The following MED27 variants were observed in gnomAD, a reference collection of about 807,000 sequenced individuals.
MED27 encodes mediator complex subunit 27, also known as mediator of RNA polymerase II transcription subunit 27.
A neutral mutation model predicts 38.2 loss-of-function variants in MED27; 30 were observed. The observed-to-expected ratio is 0.79, with a 90% CI of 0.59 to 1.07. The LOEUF (loss-of-function observed/expected upper bound fraction) is 1.07, where lower values mean the gene tolerates loss of function less well. Ranked by LOEUF, MED27 falls within the 50% of genes least tolerant of loss-of-function variation. The pLI is 0.00. For missense variants in MED27, 289 were observed against 397.5 expected (o/e 0.73, Z 2.32); for synonymous variants, 122 against 153.5 (o/e 0.79, Z 1.52).
intron 2 of MED27, 130 bp from the exon 3 acceptor site, chr9:132,014,597 G>T: frequency 1.1e-6 from 1 of 877,574 alleles, no homozygotes; most frequent in Non-Finnish European, 1.7e-6. Flanking sequence ...AAATACAACT[G>T]CTCACATTCT....
At chr9:132,042,293 G>T (rs982168597) in intron 2 of MED27, among the ~76,000 whole-genome samples, 4 of 152,224 alleles carry the variant, frequency 2.6e-5, no homozygotes, top group Admixed American at 2.0e-4. Flanking sequence ...GGCTTTCACT[G>T]AAACAGTCTC....
At chr9:131,868,978 G>A (rs1161550830) in intron 6 of MED27, 27 of 985,370 alleles carry the variant, frequency 2.7e-5, no homozygotes, top group Non-Finnish European at 3.3e-5. Context: ...CACAGGCAAG[G>A]CACCTAATTA....
intron 5 of MED27, 66 bp from the exon 6 acceptor site, chr9:131,884,165 T>C (rs1034435945): frequency 1.6e-6 from 2 of 1,277,240 alleles, no homozygotes; most frequent in Non-Finnish European, 2.2e-6. Context: ...AGAAATAATA[T>C]TGTAACTACT....
rs1830310019 is a variant in MED27 at position 131,917,316 on chromosome 9, A to C, written c.573+22065T>G. On this transcript the variant is annotated intron_variant, in intron 4 of 7. Coordinates refer to ENST00000292035, the MANE Select transcript of MED27 (RefSeq NM_004269.4). The surrounding 1 kb of genome is among the most constrained non-coding windows in gnomAD (Gnocchi z 4.6). ...CAGGGAAGGGAGGAGAGAGGGAAGA[A>C]GAGGAGAAAGGTCAACTGAGGCCGG... is the stretch of plus-strand genomic sequence containing the variant. Among the ~76,000 whole-genome samples, 1 of 152,166 alleles carries C rather than the reference A, an allele frequency of 6.6e-6. No homozygotes were observed. The highest frequency in any genetic ancestry group is 1.5e-5 in the Non-Finnish European group (1 of 68,020).
chr9:131,910,047 T>C (rs2131534938), intron 4 of MED27, among the ~76,000 whole-genome samples: 1 of 152,306 alleles, frequency 6.6e-6, no homozygotes, highest in South Asian at 2.1e-4. Flanking sequence ...TGCATTTATG[T>C]AGAATGCATT....
intron 4 of MED27, among the ~76,000 whole-genome samples, chr9:131,932,269 AATGACCAGTGGGTC>A (rs1830603356): frequency 6.6e-6 from 1 of 151,528 alleles, no homozygotes; most frequent in Non-Finnish European, 1.5e-5. Context: ...TATGCTCCTG[AATGACCAGTGGGTC>A]AATTAAGAGA....
chr9:132,048,173 AAAT>A (rs1384004307), intron 2 of MED27, among the ~76,000 whole-genome samples: 1 of 152,192 alleles, frequency 6.6e-6, no homozygotes, highest in Non-Finnish European at 1.5e-5. Flanking sequence ...ATCCCCTACA[AAAT>A]AATAATTTTT....
chr9:131,924,667 A>G (rs1335166395), intron 4 of MED27, among the ~76,000 whole-genome samples: 1 of 152,054 alleles, frequency 6.6e-6, no homozygotes, highest in Non-Finnish European at 1.5e-5. Flanking sequence ...ATTTTATTCT[A>G]CTAGCCTGTT....
At chr9:132,036,590 G>A (rs1370591681) in intron 2 of MED27, among the ~76,000 whole-genome samples, 1 of 152,170 alleles carries the variant, frequency 6.6e-6, no homozygotes, top group Non-Finnish European at 1.5e-5. Flanking sequence ...AAAGAGCATG[G>A]CTCTACCACT....
chr9:131,955,274 A>G (rs531508428), intron 3 of MED27, among the ~76,000 whole-genome samples: 215 of 152,284 alleles, frequency 1.4e-3, no homozygotes, highest in African/African-American at 5.1e-3. Context: ...AGCTAAAACC[A>G]TGCTCAGAGG....
chr9:132,058,409 A>G (rs1200231156), intron 2 of MED27, among the ~76,000 whole-genome samples: 1 of 152,162 alleles, frequency 6.6e-6, no homozygotes, highest in Non-Finnish European at 1.5e-5. Flanking sequence ...TTCTCGTGAC[A>G]GCGAGTTCAT....
intron 3 of MED27, among the ~76,000 whole-genome samples, chr9:131,973,752 G>A (rs1156581770): frequency 2.0e-5 from 3 of 152,084 alleles, no homozygotes; most frequent in African/African-American, 7.2e-5. Context: ...CTGTTGCCCA[G>A]GCTGTAGTGC....
At chr9:132,056,226 T>C (rs1833573562) in intron 2 of MED27, among the ~76,000 whole-genome samples, 1 of 152,208 alleles carries the variant, frequency 6.6e-6, no homozygotes, top group Admixed American at 6.5e-5. Flanking sequence ...TTATACCTCA[T>C]TATTAGTTCC....
chr9:131,871,011 A>G (rs527785305), intron 6 of MED27, among the ~76,000 whole-genome samples: 1 of 152,336 alleles, frequency 6.6e-6, no homozygotes, highest in East Asian at 1.9e-4. Context: ...GAGGGAATGA[A>G]AAAGTGTAGT....
Position 131,860,126 on chromosome 9 carries a change from T to C in MED27, c.*412A>G, listed in dbSNP as rs1838628027. The C allele has an allele frequency of 6.2e-6, 1 of 161,120 alleles. No individual in the cohort carries two copies. Among genetic ancestry groups the C allele is most frequent in the East Asian group, 1.8e-4 (1 of 5,538 alleles). The allele number at this position is 161,120 out of a possible 1,614,324, so 10.0% of individuals were successfully genotyped here. A position where few individuals can be genotyped will look rare whatever the true frequency, so the allele number is the denominator to read the frequency against. Reference sequence around the variant, plus strand: ...AAAGCCTTATCCAGGATACAAAAGGTTTATTGCTTATAAAAATAAGTTACC... The same window carrying C: ...AAAGCCTTATCCAGGATACAAAAGGCTTATTGCTTATAAAAATAAGTTACC... On this transcript the variant is annotated 3_prime_UTR_variant, in exon 8 of 8. Coordinates refer to ENST00000292035, the MANE Select transcript of MED27 (RefSeq NM_004269.4). This position sits in a 1 kb window ranked among gnomAD's most constrained non-coding sequence, Gnocchi z 5.8.
At chr9:132,004,582 G>A (rs972475038) in intron 3 of MED27, among the ~76,000 whole-genome samples, 7 of 152,130 alleles carry the variant, frequency 4.6e-5, no homozygotes, top group African/African-American at 1.7e-4. Context: ...GGCCCTGCTC[G>A]CTGCCAGTAC....
rs913993844 is a variant in MED27 at position 131,889,167 on chromosome 9, GCA to G, written c.681+4716_681+4717del. ...AGCTCCCCACCCCCTCGACCCACAT[GCA>G]CACACACAGCCAACTTTGAAGTGGG... On this transcript the variant is annotated intron_variant, in intron 5 of 7. Coordinates refer to ENST00000292035, the MANE Select transcript of MED27 (RefSeq NM_004269.4). This position sits in a 1 kb window ranked among gnomAD's most constrained non-coding sequence, Gnocchi z 4.2. Among the ~76,000 whole-genome samples the G allele has an allele frequency of 2.0e-5, 3 of 152,080 alleles. No homozygotes were observed. Among genetic ancestry groups the G allele is most frequent in the African/African-American group, 7.2e-5 (3 of 41,408 alleles).
At chr9:132,002,673 A>C (rs1832263698) in intron 3 of MED27, among the ~76,000 whole-genome samples, 1 of 152,224 alleles carries the variant, frequency 6.6e-6, no homozygotes, top group African/African-American at 2.4e-5. Flanking sequence ...GCCCTTTGGG[A>C]GGCTGAGGCA....
chr9:132,047,110 A>G (rs953769318), intron 2 of MED27, among the ~76,000 whole-genome samples: 2 of 152,154 alleles, frequency 1.3e-5, no homozygotes, highest in Non-Finnish European at 2.9e-5. Context: ...AAAAGACCAT[A>G]TATCTATATA....
Sources: allele counts gnomAD v4.1 joint callset (sites outside exome capture counted in the v4.1 genomes callset), GRCh38; gene constraint gnomAD v4.1.1; non-coding constraint Gnocchi (gnomAD v3.1); transcripts MANE v1.5; gene names NCBI Gene and HGNC (gene_info 2026-07-23, HGNC 2026-07-21).